Variants in SCAI observed in about 807,000 individuals in gnomAD.
SCAI encodes protein SCAI.
Under a neutral mutation model 92.2 loss-of-function variants are expected in SCAI, and 24 were observed. That is an observed-to-expected ratio of 0.26 (90% CI 0.19 to 0.37). The LOEUF (loss-of-function observed/expected upper bound fraction) is 0.37, where lower values mean the gene tolerates loss of function less well. Ranked by LOEUF, SCAI falls within the 10% of genes least tolerant of loss-of-function variation. SCAI has a pLI of 1.00. For synonymous variants in SCAI, 261 were observed against 258.6 expected (o/e 1.01, Z -0.09); for missense variants, 450 against 736.2 (o/e 0.61, Z 4.50).
At chr9:125,142,767 C>G in intron 1 of SCAI, 90 bp from the exon 2 acceptor site, 1 of 1,122,416 alleles carries the variant, frequency 8.9e-7, no homozygotes, top group East Asian at 2.4e-5. Context: ...ACTAAATAGA[C>G]CACCCTCTGG....
At chr9:125,117,321 C>T (rs1429578474) in intron 2 of SCAI, among the ~76,000 whole-genome samples, 2 of 152,258 alleles carry the variant, frequency 1.3e-5, no homozygotes, top group East Asian at 3.9e-4. Context: ...ACTCCTTTTA[C>T]CTGATTACCT....
At chr9:125,052,992 C>G (rs1833592222) in intron 3 of SCAI, among the ~76,000 whole-genome samples, 1 of 151,988 alleles carries the variant, frequency 6.6e-6, no homozygotes, top group Admixed American at 6.6e-5. Flanking sequence ...CTTTGGAAAA[C>G]AGTTTGGCAG....
rs745528256 is a variant in SCAI, at chr9:125,028,374, C to T, written c.413+18G>A. 2.2e-6 allele frequency: 3 copies of T among 1,365,820 alleles called. No homozygotes were observed. The Admixed American group carries it at 5.4e-5, about 24-fold the overall frequency. The allele number at this position is 1,365,820 out of a possible 1,614,324, so 84.6% of individuals were successfully genotyped here. A position where few individuals can be genotyped will look rare whatever the true frequency, so the allele number is the denominator to read the frequency against. ...TAATCAGACAACACTTTACTCTTTC[C>T]ATGTGTAATTTACTTACTAATAATG... On this transcript the variant is annotated intron_variant, in intron 5 of 17. Coordinates refer to ENST00000336505, the MANE Select transcript of SCAI (RefSeq NM_001144877.3).
At chr9:125,128,073 G>C (rs148561703) in intron 2 of SCAI, among the ~76,000 whole-genome samples, 4 of 152,176 alleles carry the variant, frequency 2.6e-5, no homozygotes, top group Non-Finnish European at 5.9e-5. Flanking sequence ...AGAACTTTGG[G>C]AGGCTGGGGC....
rs1588200707 is a variant in SCAI at position 125,075,573 on chromosome 9, T to C, written c.99-19566A>G. Among the ~76,000 whole-genome samples the C allele has an allele frequency of 2.0e-5, 3 of 151,436 alleles. No homozygotes were observed. The South Asian group carries it at 6.3e-4, about 32-fold the overall frequency. On this transcript the variant is annotated intron_variant, in intron 2 of 17. Coordinates refer to ENST00000336505, the MANE Select transcript of SCAI (RefSeq NM_001144877.3). ...CCACCACGTCCAGCTAATTTTTTTTTTTTTTTTTTCGAGATGGAGTTTCGC... is the reference window on the plus strand; with the variant it reads ...CCACCACGTCCAGCTAATTTTTTTTCTTTTTTTTTCGAGATGGAGTTTCGC...
intron 17 of SCAI, among the ~76,000 whole-genome samples, chr9:124,958,591 G>C (rs1831367890): frequency 6.6e-6 from 1 of 152,058 alleles, no homozygotes; most frequent in African/African-American, 2.4e-5. Context: ...TGTAAAAGCT[G>C]AAACTATAGA....
chr9:125,106,174 C>T, intron 2 of SCAI, among the ~76,000 whole-genome samples: 1 of 103,840 alleles, frequency 9.6e-6, no homozygotes, highest in Admixed American at 1.3e-4. Context: ...AATATTTAGC[C>T]AATAAGATCT....
chr9:125,075,710 C>T (rs1456298901), intron 2 of SCAI, among the ~76,000 whole-genome samples: 1 of 152,116 alleles, frequency 6.6e-6, no homozygotes, highest in Admixed American at 6.6e-5. Flanking sequence ...GGATTACAGG[C>T]ATGTGCCACC....
At chr9:124,970,762 T>G (rs1372239312) in intron 17 of SCAI, among the ~76,000 whole-genome samples, 1 of 152,054 alleles carries the variant, frequency 6.6e-6, no homozygotes, top group African/African-American at 2.4e-5. Flanking sequence ...AGGATGTAAG[T>G]TTCATTTGAG....
At chr9:125,018,143 G>A (rs2131069568) in intron 9 of SCAI, among the ~76,000 whole-genome samples, 1 of 152,140 alleles carries the variant, frequency 6.6e-6, no homozygotes, top group South Asian at 2.1e-4. Flanking sequence ...CACCCAGGCT[G>A]GAGTACAGTG....
chr9:125,077,664 G>C (rs1834118949), intron 2 of SCAI, among the ~76,000 whole-genome samples: 1 of 152,010 alleles, frequency 6.6e-6, no homozygotes, highest in African/African-American at 2.4e-5. Flanking sequence ...GTGTTTATTG[G>C]GGCTTTGTAT....
rs867164875 is a variant in SCAI at position 125,126,591 on chromosome 9, A to T, written c.98+16042T>A. Among the ~76,000 whole-genome samples the T allele has an allele frequency of 4.2e-3, 410 of 98,162 alleles. 3 individuals carry two copies. Among genetic ancestry groups the T allele is most frequent in the African/African-American group, 0.016 (363 of 23,086 alleles). The allele number at this position is 98,162 out of a possible 152,430, so 64.4% of individuals were successfully genotyped here. A position where few individuals can be genotyped will look rare whatever the true frequency, so the allele number is the denominator to read the frequency against. The stretch of plus-strand genomic sequence containing the variant: ...GGGTGTGTGTGTGTGTGTGTGTGTG[A>T]GAGAGAGAGAGAGAACACACATGCA... On this transcript the variant is annotated intron_variant, in intron 2 of 17. Transcript: ENST00000336505.
intron 2 of SCAI, among the ~76,000 whole-genome samples, chr9:125,063,622 C>A (rs994569130): frequency 6.6e-5 from 10 of 151,376 alleles, no homozygotes; most frequent in Non-Finnish European, 1.5e-4. Context: ...AAACATCAAC[C>A]AAAAGGGAAG....
intron 17 of SCAI, among the ~76,000 whole-genome samples, chr9:124,953,754 C>T (rs1248750561): frequency 6.6e-6 from 1 of 152,002 alleles, no homozygotes; most frequent in Non-Finnish European, 1.5e-5. Flanking sequence ...AAACTATAAT[C>T]CTGCCATACA....
At chr9:125,114,614 T>A (rs1016393223) in intron 2 of SCAI, among the ~76,000 whole-genome samples, 5 of 152,148 alleles carry the variant, frequency 3.3e-5, no homozygotes, top group South Asian at 2.1e-4. Context: ...CCTTTTTTTT[T>A]ATTCCCCCAG....
rs1831656015 is a variant in SCAI, at chr9:124,971,409, G to A, written c.1635C>T (p.Ile545=). ...EFLRLLLTRF[I]FCSATMRMHK... ...GCATCCTCATGGTGGCTGAACAAAA[G>A]ATAAATCTTGTGAGGAGCAAGCGAA... is the stretch of plus-strand genomic sequence containing the variant. The change falls in exon 17 of 18, where the codon ATC becomes ATT. Residue 545 remains isoleucine, a synonymous_variant. Transcript: ENST00000336505. The A allele has an allele frequency of 6.2e-7, 1 of 1,612,660 alleles. No homozygotes were observed. The highest frequency in any genetic ancestry group is 8.5e-7 in the Non-Finnish European group (1 of 1,179,554).
In SCAI at chr9:125,033,448, G is replaced by A. The variant is rs117349465; in HGVS notation, c.231-3709C>T. On this transcript the variant is annotated intron_variant, in intron 3 of 17. Transcript: ENST00000336505. ...AATAAATGATGTATTATGGGAACTA[G>A]TAGAAAATAAGGTATAACAACAACA... Among the ~76,000 whole-genome samples, 3 of 151,996 alleles carry A rather than the reference G, an allele frequency of 2.0e-5. No homozygotes were observed. In the East Asian group the frequency reaches 5.8e-4, roughly 29 times the overall value.
Position 124,968,473 on chromosome 9 carries a change from T to C in SCAI, c.1674+2897A>G, listed in dbSNP as rs868273636. ...GATGGAGAAGATAACCAGATTTGCT[T>C]GTTTGGTGTCTGCTTGTTGATCACG... On this transcript the variant is annotated intron_variant, in intron 17 of 17. Transcript: ENST00000336505. The C allele has an allele frequency of 6.4e-6, 6 of 943,450 alleles. No homozygotes were observed. In the East Asian group the frequency reaches 1.4e-4, roughly 23 times the overall value. 58.4% of individuals were successfully genotyped at this position (943,450 alleles called of 1,614,324 possible).
intron 9 of SCAI, among the ~76,000 whole-genome samples, chr9:125,014,443 A>T (rs1225860439): frequency 6.6e-6 from 1 of 152,238 alleles, no homozygotes; most frequent in Non-Finnish European, 1.5e-5. Context: ...TGCTTCAAAG[A>T]GAATAAAATA....
Sources: allele counts gnomAD v4.1 joint callset (sites outside exome capture counted in the v4.1 genomes callset), GRCh38; gene constraint gnomAD v4.1.1; transcripts MANE v1.5; gene names NCBI Gene and HGNC (gene_info 2026-07-23, HGNC 2026-07-21).